The following SMC6 variants were observed in gnomAD, a reference collection of about 807,000 sequenced individuals.
The protein encoded by SMC6 is structural maintenance of chromosomes protein 6.
SMC6 carries 79 observed loss-of-function variants against 142.2 expected under a neutral mutation model. That is an observed-to-expected ratio of 0.56 (90% CI 0.46 to 0.67). SMC6 has a LOEUF of 0.67. Among genes scored for constraint, SMC6 ranks in the 30% least tolerant of loss-of-function variants. SMC6 has a pLI of 0.00. For missense variants in SMC6, 1,072 were observed against 1,284.0 expected (o/e 0.83, Z 2.52); for synonymous variants, 411 against 412.4 (o/e 1.00, Z 0.04).
chr2:17,736,191 G>C (rs1042416442), intron 5 of SMC6, among the ~76,000 whole-genome samples: 1 of 152,134 alleles, frequency 6.6e-6, no homozygotes, highest in Non-Finnish European at 1.5e-5. Context: ...CTTTTCGTTA[G>C]TTTTTTAGAC....
rs778822034 is a variant in SMC6 at position 17,714,908 on chromosome 2, C to T, written c.1683G>A (p.Pro561=). The T allele has an allele frequency of 1.1e-5, 18 of 1,613,380 alleles. No individual in the cohort carries two copies. The highest frequency in any genetic ancestry group is 1.1e-4 in the East Asian group (5 of 44,852). ...CATTCCGAAACTCAGAAACTATTAT[C>T]GGTGGCCGTGAGGTCCCTGGTAAAT... ...RFYLPGTSRP[P]IIVSEFRNEI... is the part of the protein sequence containing the mutation. Residue 561 remains proline, a synonymous_variant, in exon 16 of 28, where the codon CCG becomes CCA. Coordinates refer to ENST00000448223, the MANE Select transcript of SMC6 (RefSeq NM_001142286.2).
rs772043248 is a variant in SMC6 at position 17,738,218 on chromosome 2, T to TA, written c.344+2dup. The TA allele has an allele frequency of 6.2e-7, 1 of 1,600,300 alleles. No homozygotes were observed. The highest frequency in any genetic ancestry group is 1.7e-5 in the Admixed American group (1 of 59,246). ...AAATAGATGGTAGAAAGCAAACACT[T>TA]ACTTCTGTCCATCTTTCACAAAACC... On this transcript the variant is annotated splice_region_variant and intron_variant, in intron 5 of 27. Transcript: ENST00000448223.
chr2:17,672,716 T>C (rs1237098062), intron 25 of SMC6, among the ~76,000 whole-genome samples: 2 of 152,210 alleles, frequency 1.3e-5, no homozygotes, highest in Non-Finnish European at 2.9e-5. Context: ...TGTACATCCT[T>C]GTAACTGGCT....
At chr2:17,738,360 T>C (rs1279636997) in intron 4 of SMC6, 34 bp from the exon 5 acceptor site, 3 of 1,521,658 alleles carry the variant, frequency 2.0e-6, no homozygotes, top group Admixed American at 2.0e-5. Flanking sequence ...ATCACATTCA[T>C]TAAAAGAAAA....
intron 3 of SMC6, among the ~76,000 whole-genome samples, chr2:17,742,636 C>T (rs1205496773): frequency 6.6e-6 from 1 of 151,886 alleles, no homozygotes; most frequent in Non-Finnish European, 1.5e-5. Context: ...TAAAAACTCC[C>T]CGGCTCTCTT....
In SMC6 at chr2:17,695,261, G is replaced by A. The variant is rs755452714; in HGVS notation, c.2569C>T (p.Arg857Cys). ...GATGCAGATTTTTCTACTTCTATAC[G>A]CTCTGGGCAGATTTGTCTTGCTTGT... The part of the protein sequence containing the change: ...MSQARQICPE[R>C]IEVEKSASIL... The change falls in exon 23 of 28, where the codon CGT (arginine) becomes TGT (cysteine). Residue 857 changes from arginine to cysteine, a missense_variant. Around this residue, in one of 3 missense-constraint regions of SMC6, gnomAD observed 994 missense variants for 1,153.2 expected, o/e 0.86. Transcript: ENST00000448223. The A allele has an allele frequency of 8.7e-6, 14 of 1,612,928 alleles. No homozygotes were observed. The highest frequency in any genetic ancestry group is 8.0e-5 in the African/African-American group (6 of 74,810).
intron 25 of SMC6, among the ~76,000 whole-genome samples, chr2:17,671,995 ATTT>A (rs1209706201): frequency 6.6e-6 from 1 of 150,588 alleles, no homozygotes; most frequent in Non-Finnish European, 1.5e-5. Context: ...GCATTCATTT[ATTT>A]TTTAATATTA....
intron 26 of SMC6, among the ~76,000 whole-genome samples, chr2:17,667,392 T>A (rs1666548050): frequency 6.6e-6 from 1 of 152,198 alleles, no homozygotes; most frequent in Admixed American, 6.5e-5. Flanking sequence ...GAATAATGCT[T>A]CGTTATAATA....
chr2:17,739,835 CACACACACAG>C (rs1297864655), intron 4 of SMC6, among the ~76,000 whole-genome samples: 11 of 119,048 alleles, frequency 9.2e-5, no homozygotes, highest in African/African-American at 3.1e-4. Context: ...CACACACACA[CACACACACAG>C]ACACACACAC....
At chr2:17,733,951 C>A (rs936164501) in intron 5 of SMC6, among the ~76,000 whole-genome samples, 3 of 152,168 alleles carry the variant, frequency 2.0e-5, no homozygotes, top group African/African-American at 7.2e-5. Flanking sequence ...TAAGGAAGTA[C>A]ACATACTTGA....
chr2:17,703,745 G>C (rs1668377832), intron 18 of SMC6, among the ~76,000 whole-genome samples: 3 of 151,828 alleles, frequency 2.0e-5, no homozygotes, highest in Admixed American at 6.6e-5. Flanking sequence ...ACTCTTTTCT[G>C]TAGCTAACTG....
At position 17,700,289 on chromosome 2, in the gene SMC6, A is replaced by C; in HGVS notation, c.2313T>G (p.Ser771Arg). ...QQKENMEHLK[S>R]LKIEAENKYD... ...ACTTATTTTCTGCTTCTATTTTCAG[A>C]CTTTTAAGATGCTCCATATTTTCTT... The change falls in exon 21 of 28, where the codon AGT becomes AGG. Residue 771 changes from serine to arginine, a missense_variant. Ser to Arg is a moderately radical substitution (Grantham distance 110). This residue lies in a region of SMC6 where 994 missense variants were observed against 1,153.2 expected (regional missense o/e 0.86). Coordinates refer to ENST00000448223, the MANE Select transcript of SMC6 (RefSeq NM_001142286.2). 6.2e-7 allele frequency: 1 copy of C among 1,611,408 alleles called. No homozygotes were observed. The highest frequency in any genetic ancestry group is 8.5e-7 in the Non-Finnish European group (1 of 1,178,660).
At chr2:17,685,007 T>C (rs1391026556) in intron 23 of SMC6, among the ~76,000 whole-genome samples, 1 of 150,278 alleles carries the variant, frequency 6.7e-6, no homozygotes, top group Non-Finnish European at 1.5e-5. Flanking sequence ...GGCTAGAACC[T>C]CCTCCTAAAA....
chr2:17,730,558 G>T (rs951968064), intron 7 of SMC6, among the ~76,000 whole-genome samples: 1 of 151,640 alleles, frequency 6.6e-6, no homozygotes, highest in Non-Finnish European at 1.5e-5. Flanking sequence ...TCAAATTAAA[G>T]GTGTTATATT....
intron 21 of SMC6, 101 bp downstream of exon 21, chr2:17,700,107 C>T: frequency 1.4e-6 from 1 of 723,694 alleles, no homozygotes; most frequent in Non-Finnish European, 2.1e-6. Context: ...ATGCTATTTA[C>T]ATTTAACCAA....
chr2:17,751,245 C>A (rs908151344), intron 2 of SMC6, among the ~76,000 whole-genome samples: 1 of 151,878 alleles, frequency 6.6e-6, no homozygotes, highest in African/African-American at 2.4e-5. Flanking sequence ...CTTTGGGAGG[C>A]CGAGATGGAT....
At chr2:17,748,683 A>G (rs1476907384) in intron 2 of SMC6, among the ~76,000 whole-genome samples, 2 of 152,220 alleles carry the variant, frequency 1.3e-5, no homozygotes, top group Non-Finnish European at 2.9e-5. Context: ...ACCACCCTCT[A>G]TTCCCTTCTC....
In SMC6 at chr2:17,718,098, T is replaced by C. The variant is rs1669190229; in HGVS notation, c.1071A>G (p.Lys357=). 6.2e-7 allele frequency: 1 copy of C among 1,609,744 alleles called. No homozygotes were observed. Residue 357 remains lysine, a synonymous_variant, in exon 12 of 28, where the codon AAA becomes AAG. Coordinates refer to ENST00000448223, the MANE Select transcript of SMC6 (RefSeq NM_001142286.2). ...TCACCTCAGCTTCATTATAGGCCCT[T>C]TTCTTAGCAACAACATCTGCTTTCA... is the stretch of plus-strand genomic sequence containing the variant. The part of the protein sequence containing the change: ...MALKADVVAK[K]RAYNEAEVLY...
At chr2:17,723,853 C>G (rs1426423178) in intron 9 of SMC6, among the ~76,000 whole-genome samples, 5 of 152,150 alleles carry the variant, frequency 3.3e-5, no homozygotes, top group African/African-American at 1.2e-4. Context: ...CCTTTACATG[C>G]TATTTCTTAA....
Sources: gnomAD v4.1 joint callset for allele counts (sites outside exome capture counted in the v4.1 genomes callset) on GRCh38, gnomAD v4.1.1 for gene constraint, gnomAD v4.1.1 regional missense constraint, MANE v1.5 for transcripts, NCBI Gene and HGNC (gene_info 2026-07-23, HGNC 2026-07-21) for gene names.